The following GATAD2A variants were observed in gnomAD, a reference collection of about 807,000 sequenced individuals.
GATAD2A encodes transcriptional repressor p66-alpha.
Under a neutral mutation model 68.5 loss-of-function variants are expected in GATAD2A, and 12 were observed. That is an observed-to-expected ratio of 0.18 (90% CI 0.11 to 0.28). The LOEUF is 0.28. Among genes scored for constraint, GATAD2A ranks in the 10% least tolerant of loss-of-function variants. The pLI is 1.00. For missense variants in GATAD2A, 755 were observed against 868.5 expected (o/e 0.87, Z 1.64); for synonymous variants, 410 against 375.3 (o/e 1.09, Z -1.07).
At chr19:19,493,293 C>T (rs970502578) in intron 4 of GATAD2A, among the ~76,000 whole-genome samples, 24 of 152,206 alleles carry the variant, frequency 1.6e-4, no homozygotes, top group African/African-American at 3.4e-4. Context: ...TGTCTGGTGC[C>T]GCTGGAAGCA....
At chr19:19,485,773 G>T (rs904498438) in intron 2 of GATAD2A, among the ~76,000 whole-genome samples, 7 of 152,240 alleles carry the variant, frequency 4.6e-5, no homozygotes, top group Non-Finnish European at 1.0e-4. Flanking sequence ...GGGCCTTGCA[G>T]AGTTTGGTCT....
chr19:19,502,030 G>T lies in GATAD2A; in HGVS notation c.1565G>T (p.Gly522Val). 1 of 1,613,544 alleles carries T rather than the reference G, an allele frequency of 6.2e-7. No homozygotes were observed. Among genetic ancestry groups the T allele is most frequent in the South Asian group, 1.1e-5 (1 of 91,076 alleles). Residue 522 changes from glycine (G) to valine (V), a missense_variant, in exon 10 of 12, where the codon GGG becomes GTG. Gly to Val is a moderately radical substitution (Grantham distance 109, BLOSUM62 -3). Coordinates refer to ENST00000683918, the MANE Select transcript of GATAD2A (RefSeq NM_001384528.1). ...GGAGAGGCCCGCGACTGGAGTAACG[G>T]GGCTGTGCTACAGGTCAGAACCGCA... is the stretch of plus-strand genomic sequence containing the variant. The part of the protein sequence containing the change: ...RSGEARDWSN[G>V]AVLQASSQLS...
rs2059852477 is a variant in GATAD2A, at chr19:19,492,326, G to A, written c.290G>A (p.Arg97Lys). Residue 97 changes from arginine (R) to lysine (K), a missense_variant, in exon 3 of 12, where the codon AGA (arginine) becomes AAA (lysine). Arg to Lys is a conservative substitution (Grantham distance 26). Transcript: ENST00000683918. ...TSHSDMKSER[R>K]PPSPDVIVLS... ...CACAGTGACATGAAGTCCGAGAGGA[G>A]ACCCCCCTCACCTGACGTGATTGTG... is the stretch of plus-strand genomic sequence containing the variant. 3.1e-6 allele frequency: 5 copies of A among 1,606,650 alleles called. No homozygotes were observed. The highest frequency in any genetic ancestry group is 4.2e-6 in the Non-Finnish European group (5 of 1,176,518).
rs868693577 is a variant in GATAD2A at position 19,420,501 on chromosome 19, T to G, written c.-7+14482T>G. On this transcript the variant is annotated intron_variant, in intron 1 of 11. Coordinates refer to ENST00000683918, the MANE Select transcript of GATAD2A (RefSeq NM_001384528.1). ...CGCCCGCCACCACGCCTGGCCAATT[T>G]TTTTTTTTTTTGGTATTTTTAGTAG... is the stretch of plus-strand genomic sequence containing the variant. Among the ~76,000 whole-genome samples, 3 of 149,666 alleles carry G rather than the reference T, an allele frequency of 2.0e-5. No homozygotes were observed. In the Admixed American group the frequency reaches 2.0e-4, roughly 10 times the overall value.
chr19:19,462,412 C>A (rs1310708019), intron 1 of GATAD2A, among the ~76,000 whole-genome samples: 1 of 152,232 alleles, frequency 6.6e-6, no homozygotes. Flanking sequence ...CCCCCTCCAG[C>A]TGTGCCTGTC....
chr19:19,472,369 T>C (rs1461468649), intron 2 of GATAD2A: 1 of 152,032 alleles, frequency 6.6e-6, no homozygotes, highest in African/African-American at 2.4e-5. Flanking sequence ...GTTTCGTTCT[T>C]GTTGCCCAGA....
chr19:19,432,461 C>T (rs185977273), intron 1 of GATAD2A, among the ~76,000 whole-genome samples: 1 of 152,136 alleles, frequency 6.6e-6, no homozygotes, highest in East Asian at 1.9e-4. Context: ...GCCATCATGC[C>T]CGGCTAATTT....
chr19:19,503,408 A>G (rs1568345413), intron 11 of GATAD2A, among the ~76,000 whole-genome samples: 1 of 152,200 alleles, frequency 6.6e-6, no homozygotes, highest in African/African-American at 2.4e-5. Flanking sequence ...CAGGCTCTGC[A>G]GGGGCACTTC....
chr19:19,402,130 T>G (rs575652095), upstream of GATAD2A: 1 of 152,212 alleles, frequency 6.6e-6, no homozygotes, highest in South Asian at 2.1e-4. Context: ...ACAATCATGG[T>G]TCACTGCAGC....
chr19:19,479,158 C>A (rs978849968), intron 2 of GATAD2A, among the ~76,000 whole-genome samples: 3 of 152,146 alleles, frequency 2.0e-5, no homozygotes, highest in African/African-American at 7.2e-5. Flanking sequence ...TGAGTTGGCC[C>A]TTAGACTCTG....
chr19:19,475,466 T>TG (rs923155904), intron 2 of GATAD2A, among the ~76,000 whole-genome samples: 1 of 117,916 alleles, frequency 8.5e-6, no homozygotes, highest in African/African-American at 3.4e-5. Flanking sequence ...GGGTACTCTG[T>TG]GGGCGGCTCT....
chr19:19,493,774 G>A (rs1180178116), intron 4 of GATAD2A, among the ~76,000 whole-genome samples: 1 of 131,204 alleles, frequency 7.6e-6, no homozygotes, highest in Non-Finnish European at 1.6e-5. Context: ...TACCTAGTTA[G>A]CAAGTGGATT....
Position 19,396,347 on chromosome 19 carries a change from C to T in GATAD2A, c.-7+10209C>T, listed in dbSNP as rs997928547. ...AATCATATTTAGGCTGACCGTTTCTCTTGAGGTTGGCACCTGAGGTTGGAC... is the reference window on the plus strand; with the variant it reads ...AATCATATTTAGGCTGACCGTTTCTTTTGAGGTTGGCACCTGAGGTTGGAC... On this transcript the variant is annotated intron_variant, in intron 1 of 11. Coordinates refer to the GATAD2A transcript ENST00000360315. Among the ~76,000 whole-genome samples, 4 of 152,158 alleles carry T rather than the reference C, an allele frequency of 2.6e-5. No individual in the cohort carries two copies. The South Asian group carries it at 8.3e-4, about 32-fold the overall frequency.
At chr19:19,435,697 A>G (rs1326651203) in intron 1 of GATAD2A, among the ~76,000 whole-genome samples, 2 of 152,176 alleles carry the variant, frequency 1.3e-5, no homozygotes, top group South Asian at 2.1e-4. Flanking sequence ...TAAAAATACA[A>G]AAATCAGCCG....
At chr19:19,437,985 T>C (rs1568284594) in intron 1 of GATAD2A, among the ~76,000 whole-genome samples, 1 of 152,212 alleles carries the variant, frequency 6.6e-6, no homozygotes, top group Non-Finnish European at 1.5e-5. Flanking sequence ...GTTAATCTCT[T>C]TTCAGGAATT....
chr19:19,405,608 G>C (rs1287785242), upstream of GATAD2A, among the ~76,000 whole-genome samples: 1 of 151,866 alleles, frequency 6.6e-6, no homozygotes, highest in Non-Finnish European at 1.5e-5. Context: ...TCAGGGGCCC[G>C]CCTTCTACGC....
At chr19:19,471,450 C>T (rs1333048355) in intron 2 of GATAD2A, among the ~76,000 whole-genome samples, 2 of 150,544 alleles carry the variant, frequency 1.3e-5, no homozygotes, top group African/African-American at 4.9e-5. Flanking sequence ...ACTTACAGGG[C>T]ATGTCCCCCC....
chr19:19,420,331 CT>C (rs1184441572), intron 1 of GATAD2A, among the ~76,000 whole-genome samples: 122 of 86,068 alleles, frequency 1.4e-3, no homozygotes, highest in South Asian at 3.1e-3. Flanking sequence ...CCCATCTTGA[CT>C]TTTTTTTTTT....
At chr19:19,403,837 G>A (rs771504633), upstream of GATAD2A, among the ~76,000 whole-genome samples, 24 of 152,324 alleles carry the variant, frequency 1.6e-4, no homozygotes, top group South Asian at 4.1e-4. Context: ...GAAAAACCTG[G>A]ATGGTTGCCC....
Sources: gnomAD v4.1 joint callset for allele counts (sites outside exome capture counted in the v4.1 genomes callset) on GRCh38, gnomAD v4.1.1 for gene constraint, MANE v1.5 for transcripts, NCBI Gene and HGNC (gene_info 2026-07-23, HGNC 2026-07-21) for gene names.